The following DBF4 variants were observed in gnomAD, a reference collection of about 807,000 sequenced individuals.
DBF4 encodes DBF4-CDC7 kinase regulatory subunit, also known as protein DBF4 homolog A.
DBF4 carries 25 observed loss-of-function variants against 76.6 expected under a neutral mutation model. The observed-to-expected ratio is 0.33, with a 90% CI of 0.24 to 0.46. The LOEUF (loss-of-function observed/expected upper bound fraction) is 0.46. Among genes scored for constraint, DBF4 ranks in the 20% least tolerant of loss-of-function variants. The pLI, the probability that DBF4 is intolerant of heterozygous loss-of-function variation, is 1.00. For missense variants in DBF4, 638 were observed against 760.8 expected (o/e 0.84, Z 1.90); for synonymous variants, 213 against 258.0 (o/e 0.83, Z 1.67).
chr7:87,878,387 C>T, intron 2 of DBF4, 162 bp downstream of exon 2: 1 of 587,546 alleles, frequency 1.7e-6, no homozygotes, highest in South Asian at 2.6e-5. Context: ...TTGTTTTAAC[C>T]TTTTGTGGAC....
chr7:87,899,568 C>T (rs1839719004), intron 8 of DBF4, among the ~76,000 whole-genome samples: 2 of 152,158 alleles, frequency 1.3e-5, no homozygotes. Flanking sequence ...TACCACTTTA[C>T]ATTATTTAGG....
intron 10 of DBF4, among the ~76,000 whole-genome samples, chr7:87,901,193 A>G (rs1839779269): frequency 6.6e-6 from 1 of 152,170 alleles, no homozygotes; most frequent in African/African-American, 2.4e-5. Flanking sequence ...ATAGAGAGAG[A>G]ATATTAGATC....
rs771890467 is a variant in DBF4, at chr7:87,908,122, T to C, written c.1984T>C (p.Phe662Leu). ...EENSDNLLTA[F>L]FSSPSTSTFT... ...AAATTCAGATAATCTGTTAACAGCG[T>C]TTTTCTCGTCCCCTTCAACTTCTAC... The change falls in exon 12 of 12, where the codon TTT becomes CTT. Residue 662 changes from phenylalanine (F) to leucine (L), a missense_variant. By Grantham distance (22) the Phe-to-Leu change is conservative (BLOSUM62 0). Coordinates refer to ENST00000265728, the MANE Select transcript of DBF4 (RefSeq NM_006716.4). 5 of 1,604,992 alleles carry C rather than the reference T, an allele frequency of 3.1e-6. No individual in the cohort carries two copies. The highest frequency in any genetic ancestry group is 3.4e-6 in the Non-Finnish European group (4 of 1,176,258).
intron 11 of DBF4, among the ~76,000 whole-genome samples, chr7:87,906,343 ATTTT>A (rs201273140): frequency 0.019 from 2,782 of 145,426 alleles, 40 homozygotes; most frequent in Non-Finnish European, 0.031. Context: ...TTTTTTTTAC[ATTTT>A]TTTATTGCCC....
chr7:87,882,380 T>C (rs897697556), intron 2 of DBF4, among the ~76,000 whole-genome samples: 2 of 152,130 alleles, frequency 1.3e-5, no homozygotes, highest in African/African-American at 4.8e-5. Flanking sequence ...GTGGAAAATA[T>C]AGGGAGAGAT....
rs1346728299 is a variant in DBF4, at chr7:87,907,380, G to A, written c.1242G>A (p.Glu414=). The A allele has an allele frequency of 1.9e-6, 3 of 1,613,974 alleles. No homozygotes were observed. The highest frequency in any genetic ancestry group is 1.7e-5 in the Admixed American group (1 of 60,006). Residue 414 remains glutamate, a synonymous_variant, in exon 12 of 12, where the codon GAG becomes GAA. Coordinates refer to ENST00000265728, the MANE Select transcript of DBF4 (RefSeq NM_006716.4). The part of the protein sequence containing the change: ...ETEKKLLFIS[E]PIPHPSNELR... ...AAAAAAAGCTCCTGTTTATTTCAGA[G>A]CCCATCCCCCACCCTTCAAATGAAT...
At position 87,908,249 on chromosome 7, in the gene DBF4, T is replaced by A; in HGVS notation, c.*86T>A. On this transcript the variant is annotated 3_prime_UTR_variant, in exon 12 of 12. Transcript: ENST00000265728. ...ATATGTATGGAAATTCTTAGGATTT[T>A]TTTACCAGCTTTGTTTACAGACCCA... The A allele has an allele frequency of 7.7e-7, 1 of 1,303,058 alleles. No individual in the cohort carries two copies. The highest frequency in any genetic ancestry group is 1.0e-6 in the Non-Finnish European group (1 of 1,000,464). 80.7% of individuals were successfully genotyped at this position (1,303,058 alleles called of 1,614,324 possible). A position where few individuals can be genotyped will look rare whatever the true frequency, so the allele number is the denominator to read the frequency against.
chr7:87,889,598 C>T (rs1253112898), intron 6 of DBF4, among the ~76,000 whole-genome samples: 1 of 152,050 alleles, frequency 6.6e-6, no homozygotes, highest in Non-Finnish European at 1.5e-5. Flanking sequence ...TTACTGAATA[C>T]ATTTTATAGG....
rs751901122 is a variant in DBF4, at chr7:87,876,755, T to G, written c.23T>G (p.Ile8Ser). 25 of 1,614,076 alleles carry G rather than the reference T, an allele frequency of 1.5e-5. No homozygotes were observed. Among genetic ancestry groups the G allele is most frequent in the Non-Finnish European group, 2.1e-5 (25 of 1,179,998 alleles). ...GCCATGAACTCCGGAGCCATGAGGA[T>G]CCACAGTAAAGGACATTTCCAGGGT... MNSGAMR[I>S]HSKGHFQGGI... Residue 8 changes from isoleucine to serine, a missense_variant, in exon 1 of 12, where the codon ATC (isoleucine) becomes AGC (serine). Transcript: ENST00000265728.
rs770288165 is a variant in DBF4, at chr7:87,907,798, C to A, written c.1660C>A (p.Pro554Thr). Residue 554 changes from proline (P) to threonine (T), a missense_variant, in exon 12 of 12, where the codon CCT (proline) becomes ACT (threonine). Pro to Thr is a conservative substitution (Grantham distance 38). Transcript: ENST00000265728. ...TCAGGCAAAGGCTCCATTCCATACTCCTCCTGAGGAACCCAATGAATGTGA... is the reference window on the plus strand; with the variant it reads ...TCAGGCAAAGGCTCCATTCCATACTACTCCTGAGGAACCCAATGAATGTGA... ...TVQAKAPFHT[P>T]PEEPNECDFK... 19 of 1,597,954 alleles carry A rather than the reference C, an allele frequency of 1.2e-5. No homozygotes were observed. The Admixed American group carries it at 2.9e-4, about 24-fold the overall frequency.
chr7:87,895,945 G>T (rs1839626785), intron 6 of DBF4, among the ~76,000 whole-genome samples: 3 of 152,136 alleles, frequency 2.0e-5, no homozygotes, highest in Admixed American at 2.0e-4. Flanking sequence ...TTAGCTGCTG[G>T]CTCTGCCACT....
chr7:87,891,172 C>CTT (rs200764553), intron 6 of DBF4, among the ~76,000 whole-genome samples: 7 of 119,148 alleles, frequency 5.9e-5, no homozygotes, highest in Admixed American at 1.6e-4. Flanking sequence ...TTGGGCTTTT[C>CTT]TTTTTTTTTT....
intron 10 of DBF4, among the ~76,000 whole-genome samples, chr7:87,902,376 T>A (rs1219821538): frequency 6.6e-6 from 1 of 152,202 alleles, no homozygotes; most frequent in Non-Finnish European, 1.5e-5. Flanking sequence ...ATCAAGGGAT[T>A]AATTAACACA....
chr7:87,893,992 C>T (rs952067764), intron 6 of DBF4, among the ~76,000 whole-genome samples: 1 of 152,088 alleles, frequency 6.6e-6, no homozygotes, highest in Non-Finnish European at 1.5e-5. Context: ...ACATGTGTGA[C>T]CTTTCGCAAT....
chr7:87,884,929 C>A lies in DBF4; in HGVS notation c.220-50C>A, dbSNP rs140746506. On this transcript the variant is annotated intron_variant, in intron 2 of 11. Transcript: ENST00000265728. ...TCTAGCCTGGATAACACAGTGAGAC[C>A]GTGTTTCTTAAAACAAATTTATAAA... 2.9e-5 allele frequency: 40 copies of A among 1,365,374 alleles called. No individual in the cohort carries two copies. In the East Asian group the frequency reaches 4.1e-4, roughly 14 times the overall value. 84.6% of individuals were successfully genotyped at this position (1,365,374 alleles called of 1,614,324 possible). A position where few individuals can be genotyped will look rare whatever the true frequency, so the allele number is the denominator to read the frequency against.
chr7:87,878,317 G>A (rs1839122167), intron 2 of DBF4, 92 bp downstream of exon 2: 2 of 946,822 alleles, frequency 2.1e-6, no homozygotes, highest in Non-Finnish European at 3.1e-6. Flanking sequence ...TTTGGAAAAC[G>A]CTTCTATTAG....
At chr7:87,889,338 G>A (rs1394905294) in intron 6 of DBF4, among the ~76,000 whole-genome samples, 3 of 150,296 alleles carry the variant, frequency 2.0e-5, no homozygotes, top group African/African-American at 7.4e-5. Context: ...GGAGTACAGT[G>A]GTGCCATCTC....
intron 7 of DBF4, 58 bp from the exon 8 acceptor site, chr7:87,897,235 TA>T (rs11422356): frequency 0.038 from 47,436 of 1,262,558 alleles, no homozygotes; most frequent in South Asian, 0.08. Flanking sequence ...GTAGTTTTAT[TA>T]AAAAAAAAAA....
rs1413042047 is a variant in DBF4, at chr7:87,908,228, G to T, written c.*65G>T. ...ATATTCTTGAAATTTTTATAAATATGTATGGAAATTCTTAGGATTTTTTTA... is the reference window on the plus strand; with the variant it reads ...ATATTCTTGAAATTTTTATAAATATTTATGGAAATTCTTAGGATTTTTTTA... On this transcript the variant is annotated 3_prime_UTR_variant, in exon 12 of 12. Coordinates refer to ENST00000265728, the MANE Select transcript of DBF4 (RefSeq NM_006716.4). 2.2e-6 allele frequency: 3 copies of T among 1,340,784 alleles called. No individual in the cohort carries two copies. The highest frequency in any genetic ancestry group is 2.9e-6 in the Non-Finnish European group (3 of 1,030,960). The allele number at this position is 1,340,784 out of a possible 1,614,324, so 83.1% of individuals were successfully genotyped here.
Sources: gnomAD v4.1 joint callset for allele counts (sites outside exome capture counted in the v4.1 genomes callset) on GRCh38, gnomAD v4.1.1 for gene constraint, MANE v1.5 for transcripts, NCBI Gene and HGNC (gene_info 2026-07-23, HGNC 2026-07-21) for gene names.